PKIB: variants seen among roughly 807,000 people sequenced by gnomAD.
PKIB encodes the protein cAMP-dependent protein kinase inhibitor beta.
A neutral mutation model predicts 4.5 loss-of-function variants in PKIB; 2 were observed. The ratio of observed to expected loss-of-function variants is 0.44; its 90% confidence interval spans 0.18 to 1.39. PKIB has a LOEUF of 1.39. PKIB is among the 40% of genes most tolerant of loss of function. The pLI is 0.27. For missense variants in PKIB, 94 were observed against 92.6 expected (o/e 1.02, Z -0.06); for synonymous variants, 38 against 36.0 (o/e 1.06, Z -0.20).
intron 3 of PKIB, among the ~76,000 whole-genome samples, chr6:122,703,412 CA>C (rs1778914006): frequency 6.6e-6 from 1 of 152,040 alleles, no homozygotes; most frequent in Admixed American, 6.6e-5. Flanking sequence ...AGACTGAAAG[CA>C]AACAGTTGCT....
At chr6:122,619,054 G>A (rs1775107990) in intron 1 of PKIB, among the ~76,000 whole-genome samples, 1 of 151,998 alleles carries the variant, frequency 6.6e-6, no homozygotes, top group Non-Finnish European at 1.5e-5. Context: ...TTATTTTTAT[G>A]AATTGTTATT....
At chr6:122,653,781 T>C (rs1319556219) in intron 2 of PKIB, among the ~76,000 whole-genome samples, 2 of 151,896 alleles carry the variant, frequency 1.3e-5, no homozygotes, top group African/African-American at 4.8e-5. Context: ...GCCAACATGG[T>C]GAAACCCTGT....
intron 2 of PKIB, among the ~76,000 whole-genome samples, chr6:122,539,020 T>A (rs1192092525): frequency 6.6e-6 from 1 of 152,070 alleles, no homozygotes; most frequent in Non-Finnish European, 1.5e-5. Flanking sequence ...CTGATTTTTG[T>A]ACATTGATTT....
chr6:122,488,249 C>T (rs1188024140), intron 2 of PKIB, among the ~76,000 whole-genome samples: 2 of 152,002 alleles, frequency 1.3e-5, no homozygotes, highest in African/African-American at 4.8e-5. Flanking sequence ...CATGTATGTA[C>T]ACACACAAAC....
At chr6:122,680,629 A>G (rs1220562027) in intron 3 of PKIB, among the ~76,000 whole-genome samples, 1 of 152,168 alleles carries the variant, frequency 6.6e-6, no homozygotes, top group Non-Finnish European at 1.5e-5. Flanking sequence ...ACTGCCAGAC[A>G]GGAAGGCAGG....
intron 4 of PKIB, among the ~76,000 whole-genome samples, chr6:122,718,744 C>T (rs552359393): frequency 2.0e-5 from 3 of 152,190 alleles, no homozygotes; most frequent in South Asian, 2.1e-4. Context: ...AACCCATTCC[C>T]GGGAGCCCAA....
rs912129255 is a variant in PKIB, at chr6:122,545,839, G to GA, written c.-247-40072dup. The stretch of plus-strand genomic sequence containing the variant: ...AATAAATAAAGGCTTTCCATCATGT[G>GA]AAAAAAAAAAGTCAAGCAGAGAGGT... On this transcript the variant is annotated intron_variant, in intron 2 of 6. Transcript: ENST00000392491. Among the ~76,000 whole-genome samples, 1,265 of 147,016 alleles carry GA rather than the reference G, an allele frequency of 8.6e-3. 9 individuals carry two copies. The highest frequency in any genetic ancestry group is 0.014 in the Non-Finnish European group (941 of 66,590).
At chr6:122,551,932 C>T (rs1772686589) in intron 2 of PKIB, among the ~76,000 whole-genome samples, 1 of 123,216 alleles carries the variant, frequency 8.1e-6, no homozygotes, top group African/African-American at 3.1e-5. Context: ...ATTAAAGCAA[C>T]TTCCTCCAGT....
chr6:122,613,978 AAAG>A (rs1774877402), intron 1 of PKIB, among the ~76,000 whole-genome samples: 1 of 151,824 alleles, frequency 6.6e-6, no homozygotes, highest in South Asian at 2.1e-4. Flanking sequence ...AAAAAAAAAA[AAAG>A]AATTACAGTT....
intron 2 of PKIB, among the ~76,000 whole-genome samples, chr6:122,537,693 C>T (rs539888763): frequency 8.6e-5 from 13 of 152,006 alleles, no homozygotes; most frequent in Non-Finnish European, 1.5e-4. Context: ...GGTATATACC[C>T]GTAAGGGGAT....
intron 4 of PKIB, among the ~76,000 whole-genome samples, chr6:122,723,032 C>A (rs1046599742): frequency 6.6e-6 from 1 of 152,162 alleles, no homozygotes; most frequent in Non-Finnish European, 1.5e-5. Context: ...CTTCCCTTGG[C>A]TTTCCGGACA....
At chr6:122,510,789 C>G (rs531942469) in intron 2 of PKIB, among the ~76,000 whole-genome samples, 1 of 152,074 alleles carries the variant, frequency 6.6e-6, no homozygotes, top group Admixed American at 6.5e-5. Context: ...GGTGCTGGGT[C>G]GGGCCTGAAT....
chr6:122,562,665 T>G (rs932324204), intron 2 of PKIB, among the ~76,000 whole-genome samples: 1 of 152,196 alleles, frequency 6.6e-6, no homozygotes, highest in African/African-American at 2.4e-5. Context: ...TTATTCTTTT[T>G]TCTTTGTCTT....
chr6:122,597,781 C>T (rs1294729918), intron 3 of PKIB, among the ~76,000 whole-genome samples: 3 of 152,166 alleles, frequency 2.0e-5, no homozygotes, highest in African/African-American at 7.2e-5. Context: ...TGTGGGAGTT[C>T]TGCCAGCTGC....
intron 2 of PKIB, among the ~76,000 whole-genome samples, chr6:122,559,343 G>C (rs1049312355): frequency 6.6e-6 from 1 of 151,710 alleles, no homozygotes; most frequent in Non-Finnish European, 1.5e-5. Context: ...CTTTGTCAAA[G>C]AACAGTTGGC....
At chr6:122,510,039 G>T (rs1404577510) in intron 2 of PKIB, among the ~76,000 whole-genome samples, 3 of 151,538 alleles carry the variant, frequency 2.0e-5, no homozygotes, top group Non-Finnish European at 4.4e-5. Flanking sequence ...TCTTTAAGTT[G>T]GGCTGAATTC....
intron 2 of PKIB, among the ~76,000 whole-genome samples, chr6:122,536,306 A>G (rs779758019): frequency 1.3e-5 from 2 of 152,238 alleles, no homozygotes; most frequent in East Asian, 1.9e-4. Flanking sequence ...ATTGTTATTA[A>G]GGTATTGCAT....
chr6:122,654,751 A>G (rs1469039611), intron 2 of PKIB, among the ~76,000 whole-genome samples: 1 of 152,170 alleles, frequency 6.6e-6, no homozygotes, highest in Non-Finnish European at 1.5e-5. Flanking sequence ...GTCTGAATAT[A>G]TTACACTAGA....
At chr6:122,476,009 TGA>T (rs1775443817) in intron 1 of PKIB, among the ~76,000 whole-genome samples, 1 of 152,260 alleles carries the variant, frequency 6.6e-6, no homozygotes, top group East Asian at 1.9e-4. Flanking sequence ...TGAAATATTG[TGA>T]GAGTGGAACA....
Sources: gnomAD v4.1 joint callset for allele counts (sites outside exome capture counted in the v4.1 genomes callset) on GRCh38, gnomAD v4.1.1 for gene constraint, MANE v1.5 for transcripts, NCBI Gene and HGNC (gene_info 2026-07-23, HGNC 2026-07-21) for gene names.